The following SLC37A2 variants were observed in gnomAD, a reference collection of about 807,000 sequenced individuals.
SLC37A2 encodes glucose-6-phosphate exchanger SLC37A2.
In SLC37A2, 59 loss-of-function variants were observed where a neutral mutation model predicts 70.7. That is an observed-to-expected ratio of 0.83 (90% CI 0.68 to 1.04). SLC37A2 has a LOEUF of 1.04. Ranked by LOEUF, SLC37A2 falls within the 50% of genes least tolerant of loss-of-function variation. The pLI is 0.00. For missense variants in SLC37A2, 580 were observed against 658.1 expected (o/e 0.88, Z 1.30); for synonymous variants, 257 against 262.1 (o/e 0.98, Z 0.19).
chr11:125,081,430 A>G lies in SLC37A2; in HGVS notation c.704A>G (p.Asp235Gly). 1 of 1,606,962 alleles carries G rather than the reference A, an allele frequency of 6.2e-7. No homozygotes were observed. The highest frequency in any genetic ancestry group is 8.5e-7 in the Non-Finnish European group (1 of 1,176,440). The change falls in exon 8 of 18, where the codon GAT becomes GGT. Residue 235 changes from aspartate to glycine, a missense_variant. By Grantham distance (94) the Asp-to-Gly change is moderately conservative. Transcript: ENST00000403796. Reference sequence around the variant, plus strand: ...CGATTTTTTTTTCTAGACCCAGAAGATGTGGACTGCGCCCCTCCTCAGCAC... The same window carrying G: ...CGATTTTTTTTTCTAGACCCAGAAGGTGTGGACTGCGCCCCTCCTCAGCAC... ...TFLFLIEHPEDVDCAPPQHHG... is the reference protein window; with the variant it reads ...TFLFLIEHPEGVDCAPPQHHG...
intron 11 of SLC37A2, 44 bp from the exon 12 acceptor site, chr11:125,084,190 G>A (rs1355319560): frequency 6.2e-7 from 1 of 1,607,112 alleles, no homozygotes; most frequent in Admixed American, 1.7e-5. Context: ...GGGGATGGCA[G>A]GGTCCTGTCT....
Position 125,080,934 on chromosome 11 carries a change from G to A in SLC37A2, c.694+154G>A, listed in dbSNP as rs781044772. Among the ~76,000 whole-genome samples the A allele has an allele frequency of 6.6e-6, 1 of 152,128 alleles. No homozygotes were observed. The highest frequency in any genetic ancestry group is 1.5e-5 in the Non-Finnish European group (1 of 68,018). On this transcript the variant is annotated intron_variant, in intron 7 of 17. Transcript: ENST00000403796. This position sits in a 1 kb window ranked among gnomAD's most constrained non-coding sequence, Gnocchi z 4.3. ...TTTCAGAGCCTTTATTTTCTCATTT[G>A]TAAAATAATAATAGTAATAATAATG...
At chr11:125,069,823 T>A (rs1949012899) in intron 1 of SLC37A2, among the ~76,000 whole-genome samples, 1 of 152,240 alleles carries the variant, frequency 6.6e-6, no homozygotes, top group Non-Finnish European at 1.5e-5. Context: ...TCCAGGAAGA[T>A]GTTGCTCTCC....
At position 125,083,506 on chromosome 11, in the gene SLC37A2, GGGGAAA is replaced by G; in HGVS notation, c.977-306_977-301del. 3.0e-6 allele frequency: 1 copy of G among 328,690 alleles called. No homozygotes were observed. 20.4% of individuals were successfully genotyped at this position (328,690 alleles called of 1,614,324 possible). A position where few individuals can be genotyped will look rare whatever the true frequency, so the allele number is the denominator to read the frequency against. ...GGGCTGAGCTTCAGGTTGCGCTCCA[GGGGAAA>G]GGTGGCCACGGGACAGCAGGCTCGG... is the stretch of plus-strand genomic sequence containing the variant. On this transcript the variant is annotated intron_variant, in intron 10 of 17. Coordinates refer to ENST00000403796, the MANE Select transcript of SLC37A2 (RefSeq NM_001145290.2). The surrounding 1 kb of genome is among the most constrained non-coding windows in gnomAD (Gnocchi z 4.6).
intron 1 of SLC37A2, among the ~76,000 whole-genome samples, chr11:125,065,669 A>G (rs1948973316): frequency 6.6e-6 from 1 of 152,130 alleles, no homozygotes; most frequent in Non-Finnish European, 1.5e-5. Flanking sequence ...GGCTGGTTGT[A>G]TCTGATTAAA....
Position 125,080,765 on chromosome 11 carries a change from C to G in SLC37A2, c.679C>G (p.Leu227Val). ...TGCCGTCATGGGCGTCATCACCTTC[C>G]TCTTCCTCATCGAACGTGAGTGGGC... The part of the protein sequence containing the change: ...ITAVMGVITF[L>V]FLIEHPEDVD... The change falls in exon 7 of 18, where the codon CTC becomes GTC. Residue 227 changes from leucine to valine, a missense_variant. Leu to Val is a conservative substitution (Grantham distance 32). Coordinates refer to ENST00000403796, the MANE Select transcript of SLC37A2 (RefSeq NM_001145290.2). This position sits in a 1 kb window ranked among gnomAD's most constrained non-coding sequence, Gnocchi z 4.3. 6.7e-7 allele frequency: 1 copy of G among 1,495,064 alleles called. No homozygotes were observed. Among genetic ancestry groups the G allele is most frequent in the Non-Finnish European group, 9.0e-7 (1 of 1,115,502 alleles). 92.6% of individuals were successfully genotyped at this position (1,495,064 alleles called of 1,614,324 possible).
At chr11:125,082,407 G>A (rs1204337329) in intron 10 of SLC37A2, 73 bp downstream of exon 10, 21 of 1,319,234 alleles carry the variant, frequency 1.6e-5, no homozygotes, top group East Asian at 4.6e-5. Flanking sequence ...GAGGAAGCCC[G>A]TCGTGGTGAT....
Position 125,063,507 on chromosome 11 carries a change from AC to A in SLC37A2, c.59+85del. ...GGGGCCGCGGGGGGCCTCGGAGATC[AC>A]CCCAGATCGGCCCCGGCGTCGCCGC... On this transcript the variant is annotated intron_variant, in intron 1 of 17. Transcript: ENST00000403796. The surrounding 1 kb of genome is among the most constrained non-coding windows in gnomAD (Gnocchi z 5.4). 1 of 1,331,558 alleles carries A rather than the reference AC, an allele frequency of 7.5e-7. No individual in the cohort carries two copies. The highest frequency in any genetic ancestry group is 1.0e-6 in the Non-Finnish European group (1 of 964,724). 82.5% of individuals were successfully genotyped at this position (1,331,558 alleles called of 1,614,324 possible).
rs1413371345 is a variant in SLC37A2 at position 125,063,450 on chromosome 11, C to T, written c.59+24C>T. On this transcript the variant is annotated intron_variant, in intron 1 of 17. Coordinates refer to ENST00000403796, the MANE Select transcript of SLC37A2 (RefSeq NM_001145290.2). This position sits in a 1 kb window ranked among gnomAD's most constrained non-coding sequence, Gnocchi z 5.4. ...TGGTGAGCGGGGCAGGGGAGGGAGG[C>T]GTGCCGGGACCTCCTGGGCTCGGGG... The T allele has an allele frequency of 1.9e-6, 3 of 1,603,188 alleles. No homozygotes were observed. The highest frequency in any genetic ancestry group is 1.7e-5 in the Admixed American group (1 of 59,104).
chr11:125,081,709 C>T, intron 8 of SLC37A2, 45 bp from the exon 9 acceptor site: 1 of 1,521,506 alleles, frequency 6.6e-7, no homozygotes, highest in Non-Finnish European at 8.8e-7. Flanking sequence ...TGGTGGGAGG[C>T]AGCACATGGA....
Position 125,085,615 on chromosome 11 carries a change from C to T in SLC37A2, c.1366C>T (p.Pro456Ser), listed in dbSNP as rs781662380. ...LGPLLAGLISPTGWNNVFYML... is the reference protein window; with the variant it reads ...LGPLLAGLISSTGWNNVFYML... The stretch of plus-strand genomic sequence containing the variant: ...GCCTCTGCTGGCTGGGCTCATCTCC[C>T]CCACGGGCTGGAACAATGTCTTCTA... Residue 456 changes from proline to serine, a missense_variant, in exon 16 of 18, where the codon CCC becomes TCC. Physicochemically the swap from Pro to Ser is moderately conservative, Grantham distance 74 (BLOSUM62 -1). Transcript: ENST00000403796. The T allele has an allele frequency of 8.1e-6, 13 of 1,613,762 alleles. No individual in the cohort carries two copies. The African/African-American group carries it at 1.6e-4, about 20-fold the overall frequency.
At chr11:125,069,604 C>G (rs1340232211) in intron 1 of SLC37A2, among the ~76,000 whole-genome samples, 1 of 152,210 alleles carries the variant, frequency 6.6e-6, no homozygotes, top group Non-Finnish European at 1.5e-5. Context: ...TGACTTGGAT[C>G]TGGAGGTGTT....
chr11:125,067,477 T>C (rs1948993627), intron 1 of SLC37A2, among the ~76,000 whole-genome samples: 1 of 152,218 alleles, frequency 6.6e-6, no homozygotes, highest in Non-Finnish European at 1.5e-5. Flanking sequence ...AATAATATTT[T>C]ACCAATATAA....
chr11:125,076,443 G>A (rs1221009551), intron 1 of SLC37A2, among the ~76,000 whole-genome samples: 2 of 152,138 alleles, frequency 1.3e-5, no homozygotes, highest in African/African-American at 4.8e-5. Flanking sequence ...CAGGCGCCCT[G>A]ACCTCAGGGA....
intron 1 of SLC37A2, among the ~76,000 whole-genome samples, chr11:125,071,216 G>A (rs1949026373): frequency 6.6e-6 from 1 of 152,162 alleles, no homozygotes; most frequent in South Asian, 2.1e-4. Context: ...TTGCTCAGGA[G>A]AAGGAAGGCC....
At position 125,080,699 on chromosome 11, in the gene SLC37A2, G is replaced by C; in HGVS notation, c.613G>C (p.Gly205Arg). The change falls in exon 7 of 18, where the codon GGG becomes CGG. Residue 205 changes from glycine to arginine, a missense_variant. Physicochemically the swap from Gly to Arg is moderately radical, Grantham distance 125 (BLOSUM62 -2). Coordinates refer to ENST00000403796, the MANE Select transcript of SLC37A2 (RefSeq NM_001145290.2). This position sits in a 1 kb window ranked among gnomAD's most constrained non-coding sequence, Gnocchi z 4.3. ...CCTGATCGCCGGCATCTGGGTGAACGGGCAGTGGGGCCTGTCGTTCATCGT... is the reference window on the plus strand; with the variant it reads ...CCTGATCGCCGGCATCTGGGTGAACCGGCAGTGGGGCCTGTCGTTCATCGT... ...GSLIAGIWVN[G>R]QWGLSFIVPG... 6.3e-7 allele frequency: 1 copy of C among 1,581,834 alleles called. No individual in the cohort carries two copies. The highest frequency in any genetic ancestry group is 8.6e-7 in the Non-Finnish European group (1 of 1,163,230).
rs1949248173 is a variant in SLC37A2, at chr11:125,088,536, G to C, written c.*402G>C. 5.7e-6 allele frequency: 1 copy of C among 174,522 alleles called. No homozygotes were observed. The highest frequency in any genetic ancestry group is 1.2e-5 in the Non-Finnish European group (1 of 82,326). The allele number at this position is 174,522 out of a possible 1,614,324, so 10.8% of individuals were successfully genotyped here. On this transcript the variant is annotated 3_prime_UTR_variant, in exon 18 of 18. Transcript: ENST00000403796. Reference sequence around the variant, plus strand: ...AAGCTTTAACCTCTGTAATCTGCCTGTATCTATAGGTGGGCATCTCACTCC... The same window carrying C: ...AAGCTTTAACCTCTGTAATCTGCCTCTATCTATAGGTGGGCATCTCACTCC...
intron 1 of SLC37A2, among the ~76,000 whole-genome samples, chr11:125,066,421 C>A (rs1948980600): frequency 2.0e-5 from 3 of 152,124 alleles, no homozygotes; most frequent in African/African-American, 7.2e-5. Context: ...TCTCAAAAAA[C>A]AAAAATCTCC....
chr11:125,086,065 G>T (rs1325791524), intron 17 of SLC37A2, 47 bp downstream of exon 17: 3 of 1,590,414 alleles, frequency 1.9e-6, no homozygotes, highest in East Asian at 2.2e-5. Context: ...CTCATTTCTC[G>T]TGGGAATCAG....
Sources: gnomAD v4.1 joint callset for allele counts (sites outside exome capture counted in the v4.1 genomes callset) on GRCh38, gnomAD v4.1.1 for gene constraint, Gnocchi (gnomAD v3.1) non-coding constraint, MANE v1.5 for transcripts, NCBI Gene and HGNC (gene_info 2026-07-23, HGNC 2026-07-21) for gene names.